The following RORA variants were observed in gnomAD, a reference collection of about 807,000 sequenced individuals.
The protein encoded by RORA is nuclear receptor ROR-alpha.
A neutral mutation model predicts 69.5 loss-of-function variants in RORA; 7 were observed. The ratio of observed to expected loss-of-function variants is 0.10; its 90% CI spans 0.06 to 0.19. The LOEUF (loss-of-function observed/expected upper bound fraction) is 0.19. RORA is among the 10% of genes least tolerant of loss of function. The pLI is 1.00. For missense variants in RORA, 457 were observed against 663.0 expected, an observed-to-expected ratio of 0.69 and a Z score of 3.41; for synonymous variants, 261 against 240.8, an observed-to-expected ratio of 1.08 and a Z score of -0.78.
chr15:60,692,275 T>C (rs190563839), intron 1 of RORA, among the ~76,000 whole-genome samples: 72 of 152,336 alleles, frequency 4.7e-4, no homozygotes, highest in Admixed American at 1.4e-3. Context: ...ATAATCCCAA[T>C]TGTAAATATT....
rs190176025 is a variant in RORA at position 61,184,251 on chromosome 15, G to A, written c.166+44802C>T. Reference sequence around the variant, plus strand: ...AACACACTCCCCTTACACACTGAACGCTGAGAAGCAATAGCTATTCACATT... The same window carrying A: ...AACACACTCCCCTTACACACTGAACACTGAGAAGCAATAGCTATTCACATT... On this transcript the variant is annotated intron_variant, in intron 1 of 10. Coordinates refer to ENST00000335670, the MANE Select transcript of RORA (RefSeq NM_134261.3). Among the ~76,000 whole-genome samples, 15 of 152,198 alleles carry A rather than the reference G, an allele frequency of 9.9e-5. 1 individual carries two copies. In the East Asian group the frequency reaches 1.7e-3, roughly 18 times the overall value.
intron 1 of RORA, among the ~76,000 whole-genome samples, chr15:61,042,596 T>C (rs958046137): frequency 2.0e-5 from 3 of 152,176 alleles, no homozygotes; most frequent in Non-Finnish European, 4.4e-5. Context: ...CTGTACGTAA[T>C]TGGTCAGCCA....
chr15:60,861,278 G>A (rs2073433739), intron 1 of RORA, among the ~76,000 whole-genome samples: 2 of 152,130 alleles, frequency 1.3e-5, no homozygotes, highest in Non-Finnish European at 2.9e-5. Flanking sequence ...AAAAAAATGT[G>A]CTTATCTCTT....
intron 9 of RORA, among the ~76,000 whole-genome samples, chr15:60,500,496 G>C (rs2065297356): frequency 6.6e-6 from 1 of 151,986 alleles, no homozygotes; most frequent in South Asian, 2.1e-4. Context: ...ATAGAAGGTA[G>C]TAACTTAGCA....
chr15:61,174,902 C>T (rs1310929412), intron 1 of RORA, among the ~76,000 whole-genome samples: 1 of 152,146 alleles, frequency 6.6e-6, no homozygotes, highest in Non-Finnish European at 1.5e-5. Flanking sequence ...GAGCACTGAG[C>T]CCAGAGAGGT....
intron 1 of RORA, among the ~76,000 whole-genome samples, chr15:60,786,469 C>T (rs2072335507): frequency 6.6e-6 from 1 of 152,216 alleles, no homozygotes; most frequent in South Asian, 2.1e-4. Context: ...ATGCACCTTG[C>T]ACAGCAGGAG....
At chr15:60,893,665 G>GC (rs1891143720) in intron 1 of RORA, among the ~76,000 whole-genome samples, 1 of 152,128 alleles carries the variant, frequency 6.6e-6, no homozygotes. Context: ...GGAAGCGGGG[G>GC]CTGAAGGAAG....
intron 1 of RORA, among the ~76,000 whole-genome samples, chr15:60,777,516 C>A (rs1700332088): frequency 6.6e-6 from 1 of 152,150 alleles, no homozygotes; most frequent in South Asian, 2.1e-4. Flanking sequence ...ATAATCTTAC[C>A]TAGTCCCACC....
At chr15:61,224,515 A>G (rs2080128488) in intron 1 of RORA, among the ~76,000 whole-genome samples, 1 of 152,200 alleles carries the variant, frequency 6.6e-6, no homozygotes, top group Non-Finnish European at 1.5e-5. Flanking sequence ...CACATGCTTA[A>G]GATACCATAC....
chr15:60,887,038 C>T (rs760270284), intron 1 of RORA, among the ~76,000 whole-genome samples: 82 of 152,248 alleles, frequency 5.4e-4, no homozygotes, highest in Middle Eastern at 3.4e-3. Context: ...TTTATTGCTT[C>T]TGGAAGTAAT....
At chr15:60,691,644 C>T (rs543849012) in intron 1 of RORA, among the ~76,000 whole-genome samples, 9 of 152,164 alleles carry the variant, frequency 5.9e-5, no homozygotes, top group Non-Finnish European at 7.3e-5. Context: ...TGGAAGGCTA[C>T]ATACAAAGAG....
At chr15:60,528,560 G>T (rs1249694421) in intron 3 of RORA, 1 of 152,168 alleles carries the variant, frequency 6.6e-6, no homozygotes, top group South Asian at 2.1e-4. Flanking sequence ...AGTGCTCATA[G>T]TATTCTTTTT....
At chr15:60,649,709 G>A (rs548699061) in intron 2 of RORA, among the ~76,000 whole-genome samples, 4 of 152,114 alleles carry the variant, frequency 2.6e-5, no homozygotes, top group African/African-American at 4.8e-5. Context: ...GTTCTTGGGC[G>A]TGTTTAATTT....
At chr15:60,922,076 T>C (rs1457443525) in intron 1 of RORA, among the ~76,000 whole-genome samples, 1 of 152,190 alleles carries the variant, frequency 6.6e-6, no homozygotes, top group Non-Finnish European at 1.5e-5. Flanking sequence ...TACAGATATA[T>C]GCTTGTTTTT....
At chr15:60,690,084 G>C (rs947458828) in intron 1 of RORA, among the ~76,000 whole-genome samples, 5 of 152,192 alleles carry the variant, frequency 3.3e-5, no homozygotes, top group African/African-American at 1.2e-4. Flanking sequence ...CAAAGGTCCA[G>C]GAAATGTTAT....
At chr15:60,907,463 C>T (rs139143846) in intron 1 of RORA, among the ~76,000 whole-genome samples, 13 of 152,280 alleles carry the variant, frequency 8.5e-5, no homozygotes, top group Admixed American at 2.0e-4. Context: ...CTCTGGGCTC[C>T]GTGCTCTTGA....
intron 1 of RORA, among the ~76,000 whole-genome samples, chr15:61,028,014 T>G (rs1195767262): frequency 2.0e-5 from 3 of 152,196 alleles, no homozygotes; most frequent in African/African-American, 7.2e-5. Context: ...CCATAAATTA[T>G]TTCCTAAGAG....
intron 1 of RORA, among the ~76,000 whole-genome samples, chr15:60,894,405 G>GA (rs1243835619): frequency 1.3e-5 from 2 of 152,044 alleles, no homozygotes; most frequent in East Asian, 1.9e-4. Context: ...CTGACATTAA[G>GA]AAAAAAAATT....
intron 1 of RORA, among the ~76,000 whole-genome samples, chr15:61,023,706 C>G (rs1023474510): frequency 6.6e-5 from 10 of 152,172 alleles, no homozygotes; most frequent in African/African-American, 2.4e-4. Context: ...TTTGTCTAAG[C>G]ATATTTGGGT....
Sources: allele counts gnomAD v4.1 joint callset (sites outside exome capture counted in the v4.1 genomes callset), GRCh38; gene constraint gnomAD v4.1.1; transcripts MANE v1.5; gene names NCBI Gene and HGNC (gene_info 2026-07-23, HGNC 2026-07-21).